The following RPS6KA5 variants were observed in gnomAD, a reference collection of about 807,000 sequenced individuals.
RPS6KA5 encodes ribosomal protein S6 kinase alpha-5.
A neutral mutation model predicts 85.5 loss-of-function variants in RPS6KA5; 27 were observed. That is an observed-to-expected ratio of 0.32 (90% CI 0.23 to 0.44). The LOEUF (loss-of-function observed/expected upper bound fraction) is 0.44. Ranked by LOEUF, RPS6KA5 falls within the 20% of genes least tolerant of loss-of-function variation. The pLI, the probability that RPS6KA5 is intolerant of heterozygous loss-of-function variation, is 1.00. For synonymous variants in RPS6KA5, 334 were observed against 348.2 expected, an observed-to-expected ratio of 0.96 and a Z score of 0.46; for missense variants, 811 against 980.9, an observed-to-expected ratio of 0.83 and a Z score of 2.31.
In RPS6KA5 at chr14:90,848,032, A is replaced by G. The variant is rs1003299463; in HGVS notation, c.*24042T>C. 1 of 152,190 alleles carries G rather than the reference A, an allele frequency of 6.6e-6. No homozygotes were observed. The highest frequency in any genetic ancestry group is 2.4e-5 in the African/African-American group (1 of 41,436). The allele number at this position is 152,190 out of a possible 1,614,324, so 9.4% of individuals were successfully genotyped here. ...TGAAAACATCACATTTCTACAATAC[A>G]TCTGCTTTTTTGATTCATGTGTGTT... is the stretch of plus-strand genomic sequence containing the variant. On this transcript the variant is annotated 3_prime_UTR_variant, in exon 17 of 17. Coordinates refer to ENST00000614987, the MANE Select transcript of RPS6KA5 (RefSeq NM_004755.4).
chr14:90,899,244 A>G, intron 12 of RPS6KA5, 85 bp downstream of exon 12: 1 of 926,644 alleles, frequency 1.1e-6, no homozygotes, highest in Non-Finnish European at 1.7e-6. Context: ...ACTCTGACCC[A>G]GCAGCACCAA....
chr14:90,975,850 T>C (rs146852267), intron 3 of RPS6KA5, among the ~76,000 whole-genome samples: 2 of 152,298 alleles, frequency 1.3e-5, no homozygotes, highest in African/African-American at 2.4e-5. Context: ...CAAAGAATAA[T>C]TGTGTTAAAT....
rs3832953 is a variant in RPS6KA5 at position 90,923,428 on chromosome 14, TCATCCATCCATCCATC to T, written c.619-248_619-233del. On this transcript the variant is annotated intron_variant, in intron 5 of 16. Transcript: ENST00000614987. ...ACTTCTCATGCATGAAATGGTACCATCATCCATCCATCCATCCATCCATCCATCCATCCATCCATCC... is the reference window on the plus strand; with the variant it reads ...ACTTCTCATGCATGAAATGGTACCATCATCCATCCATCCATCCATCCATCC... Among the ~76,000 whole-genome samples the T allele has an allele frequency of 9.3e-5, 14 of 150,940 alleles. No individual in the cohort carries two copies. In the South Asian group the frequency reaches 2.3e-3, roughly 25 times the overall value.
chr14:90,850,552 C>A lies in RPS6KA5; in HGVS notation c.*21522G>T, dbSNP rs1260962901. The A allele has an allele frequency of 6.6e-6, 1 of 151,270 alleles. No individual in the cohort carries two copies. 9.4% of individuals were successfully genotyped at this position (151,270 alleles called of 1,614,324 possible). On this transcript the variant is annotated 3_prime_UTR_variant, in exon 17 of 17. Transcript: ENST00000614987. ...AATAAAAAACTTAAAATGCTTACAT[C>A]TTCTGAAATAACCCATGATTAGCTC...
At chr14:90,905,909 TC>T (rs1639311868) in intron 8 of RPS6KA5, among the ~76,000 whole-genome samples, 1 of 152,016 alleles carries the variant, frequency 6.6e-6, no homozygotes. Flanking sequence ...ATTATGATCC[TC>T]CCCACTCCCA....
At chr14:91,013,916 A>G (rs1213742491) in intron 1 of RPS6KA5, among the ~76,000 whole-genome samples, 11 of 152,256 alleles carry the variant, frequency 7.2e-5, no homozygotes, top group Admixed American at 5.9e-4. Flanking sequence ...GTATTCACTA[A>G]TTCTACTCAG....
chr14:91,052,810 G>T (rs907488927), intron 1 of RPS6KA5, among the ~76,000 whole-genome samples: 1 of 145,160 alleles, frequency 6.9e-6, no homozygotes, highest in Admixed American at 7.0e-5. Context: ...CTCCAGCCTG[G>T]GAACAGAGCG....
At chr14:90,992,741 T>C (rs1419453282) in intron 2 of RPS6KA5, among the ~76,000 whole-genome samples, 1 of 152,242 alleles carries the variant, frequency 6.6e-6, no homozygotes, top group Non-Finnish European at 1.5e-5. Context: ...AAAACTGTAC[T>C]GAGTGTCTTC....
chr14:91,057,382 C>T (rs2043366807), intron 1 of RPS6KA5, among the ~76,000 whole-genome samples: 2 of 152,152 alleles, frequency 1.3e-5, no homozygotes, highest in South Asian at 4.1e-4. Flanking sequence ...TTCAGTGAAT[C>T]CATTCAACAA....
intron 1 of RPS6KA5, among the ~76,000 whole-genome samples, chr14:91,047,153 TTA>T (rs1364878953): frequency 6.6e-6 from 1 of 152,222 alleles, no homozygotes; most frequent in Non-Finnish European, 1.5e-5. Flanking sequence ...ACTTATTTAA[TTA>T]TATGTTTACC....
At chr14:91,009,593 A>G (rs1248872274) in intron 1 of RPS6KA5, among the ~76,000 whole-genome samples, 3 of 152,178 alleles carry the variant, frequency 2.0e-5, no homozygotes, top group Admixed American at 2.0e-4. Flanking sequence ...AGACAGCCCT[A>G]TATCTAAAGC....
At chr14:91,042,165 T>C (rs2042630563) in intron 1 of RPS6KA5, among the ~76,000 whole-genome samples, 1 of 152,172 alleles carries the variant, frequency 6.6e-6, no homozygotes, top group Admixed American at 6.5e-5. Context: ...CTATAAACTT[T>C]CATCTTATAG....
chr14:91,040,133 G>A (rs1252271334), intron 1 of RPS6KA5, among the ~76,000 whole-genome samples: 1 of 152,240 alleles, frequency 6.6e-6, no homozygotes. Context: ...GGGGCCAGGT[G>A]AGGTGGCTCA....
intron 4 of RPS6KA5, among the ~76,000 whole-genome samples, chr14:90,944,421 G>A (rs1352067549): frequency 6.6e-6 from 1 of 151,546 alleles, no homozygotes; most frequent in Non-Finnish European, 1.5e-5. Flanking sequence ...TTCAAGACTA[G>A]CCTGGGCAAC....
chr14:90,876,110 G>A (rs1407563847), intron 14 of RPS6KA5, among the ~76,000 whole-genome samples: 8 of 152,002 alleles, frequency 5.3e-5, no homozygotes, highest in Non-Finnish European at 7.4e-5. Context: ...TCAAAGACTT[G>A]TAAACCAGTG....
chr14:90,959,422 C>A (rs982828691), intron 3 of RPS6KA5, among the ~76,000 whole-genome samples: 2 of 152,048 alleles, frequency 1.3e-5, no homozygotes, highest in Admixed American at 6.5e-5. Flanking sequence ...GGAGATCACT[C>A]GCAATAATAA....
chr14:90,998,546 T>A (rs1286150), intron 2 of RPS6KA5, among the ~76,000 whole-genome samples: 1 of 152,076 alleles, frequency 6.6e-6, no homozygotes, highest in African/African-American at 2.4e-5. Flanking sequence ...AGAACTGTGA[T>A]CCTCTTTCCC....
intron 14 of RPS6KA5, among the ~76,000 whole-genome samples, chr14:90,886,826 G>A (rs956944686): frequency 9.2e-5 from 14 of 152,136 alleles, no homozygotes; most frequent in Admixed American, 6.5e-4. Flanking sequence ...TTTCAGACAG[G>A]GATTGTATAT....
At chr14:91,009,591 C>T (rs1183189417) in intron 1 of RPS6KA5, among the ~76,000 whole-genome samples, 1 of 152,026 alleles carries the variant, frequency 6.6e-6, no homozygotes, top group Non-Finnish European at 1.5e-5. Flanking sequence ...TAAGACAGCC[C>T]TATATCTAAA....
Sources: gnomAD v4.1 joint callset for allele counts (sites outside exome capture counted in the v4.1 genomes callset) on GRCh38, gnomAD v4.1.1 for gene constraint, MANE v1.5 for transcripts, NCBI Gene and HGNC (gene_info 2026-07-23, HGNC 2026-07-21) for gene names.